Variants in CPT1A observed in about 807,000 individuals in gnomAD.
CPT1A encodes the protein carnitine palmitoyltransferase 1A.
A neutral mutation model predicts 100.8 loss-of-function variants in CPT1A; 64 were observed. That is an observed-to-expected ratio of 0.63 (90% CI 0.52 to 0.78). The LOEUF is 0.78. Among genes scored for constraint, CPT1A ranks in the 30% least tolerant of loss-of-function variants. CPT1A has a pLI of 0.00. For missense variants in CPT1A, 802 were observed against 1,034.1 expected (o/e 0.78, Z 3.08); for synonymous variants, 363 against 396.0 (o/e 0.92, Z 0.99).
intron 3 of CPT1A, among the ~76,000 whole-genome samples, chr11:68,810,160 A>G (rs1856162647): frequency 2.0e-5 from 3 of 151,944 alleles, no homozygotes. Flanking sequence ...CCTGGGTGAC[A>G]GAGTGAGACT....
At chr11:68,767,424 A>G (rs536806854) in intron 14 of CPT1A, among the ~76,000 whole-genome samples, 52 of 152,264 alleles carry the variant, frequency 3.4e-4, no homozygotes, top group Non-Finnish European at 5.1e-4. Context: ...CCCCATCTCT[A>G]CAAAAAACAT....
chr11:68,802,794 G>A (rs980133264), intron 5 of CPT1A, among the ~76,000 whole-genome samples: 15 of 151,320 alleles, frequency 9.9e-5, no homozygotes, highest in Non-Finnish European at 1.9e-4. Context: ...CTACTCAGGA[G>A]GCTGAAGTGG....
chr11:68,825,069 G>C (rs1003167862), intron 1 of CPT1A, among the ~76,000 whole-genome samples: 12 of 152,206 alleles, frequency 7.9e-5, no homozygotes, highest in African/African-American at 2.9e-4. Flanking sequence ...AAAGTGCTGT[G>C]AGCCACTGTG....
intron 10 of CPT1A, 125 bp downstream of exon 10, chr11:68,784,690 A>G: frequency 1.1e-6 from 1 of 939,484 alleles, no homozygotes; most frequent in East Asian, 2.6e-5. Context: ...GACCCCAGAG[A>G]AAAACAGAGC....
At chr11:68,782,747 G>A (rs1855347764) in intron 10 of CPT1A, among the ~76,000 whole-genome samples, 1 of 152,134 alleles carries the variant, frequency 6.6e-6, no homozygotes, top group Non-Finnish European at 1.5e-5. Flanking sequence ...CTTCTCTCTA[G>A]GAGTGCTTGG....
At chr11:68,828,406 C>CCG (rs1220668375) in intron 1 of CPT1A, among the ~76,000 whole-genome samples, 1 of 151,736 alleles carries the variant, frequency 6.6e-6, no homozygotes, top group Non-Finnish European at 1.5e-5. Flanking sequence ...GGTCAGGGCC[C>CCG]CCCACCTCCC....
intron 6 of CPT1A, among the ~76,000 whole-genome samples, chr11:68,797,589 C>T (rs1202073430): frequency 6.6e-6 from 1 of 152,206 alleles, no homozygotes; most frequent in Non-Finnish European, 1.5e-5. Flanking sequence ...AGGAGGGTTA[C>T]TTGAGCCCAG....
At chr11:68,816,284 G>A (rs1856385864) in intron 1 of CPT1A, among the ~76,000 whole-genome samples, 1 of 152,174 alleles carries the variant, frequency 6.6e-6, no homozygotes, top group Non-Finnish European at 1.5e-5. Flanking sequence ...ACTGTTCTAG[G>A]GTTTCGGAGA....
Position 68,780,750 on chromosome 11 carries a change from G to A in CPT1A, c.1353-5C>T, listed in dbSNP as rs770478804. ...GTGAACGACTTGTCAAACCACCTAC[G>A]TGAAACACACATGTGTGGAACTTAA... On this transcript the variant is annotated splice_polypyrimidine_tract_variant and splice_region_variant and intron_variant, in intron 11 of 18. Coordinates refer to ENST00000265641, the MANE Select transcript of CPT1A (RefSeq NM_001876.4). 1.6e-5 allele frequency: 25 copies of A among 1,611,980 alleles called. No individual in the cohort carries two copies. Among genetic ancestry groups the A allele is most frequent in the East Asian group, 2.2e-5 (1 of 44,896 alleles).
intron 10 of CPT1A, among the ~76,000 whole-genome samples, chr11:68,784,120 C>A (rs996118905): frequency 2.6e-5 from 4 of 152,214 alleles, no homozygotes; most frequent in Admixed American, 2.6e-4. Context: ...GCCTTGGTCT[C>A]CTAAAGCAAT....
intron 11 of CPT1A, 57 bp downstream of exon 11, chr11:68,781,714 G>A (rs530204849): frequency 1.3e-5 from 19 of 1,450,984 alleles, no homozygotes; most frequent in Admixed American, 6.7e-5. Context: ...AGGCACACAG[G>A]GTATTTCTTC....
In CPT1A at chr11:68,812,558, C is replaced by G. The variant is rs147389938; in HGVS notation, c.160G>C (p.Val54Leu). Residue 54 changes from valine (V) to leucine (L), a missense_variant, in exon 3 of 19, where the codon GTG becomes CTG. Physicochemically the swap from Val to Leu is conservative, Grantham distance 32 (BLOSUM62 1). Around this residue, in one of 4 missense-constraint regions of CPT1A, gnomAD observed 161 missense variants for 183.7 expected, o/e 0.88. Coordinates refer to ENST00000265641, the MANE Select transcript of CPT1A (RefSeq NM_001876.4). Reference sequence around the variant, plus strand: ...CAACTGGAGGGGCTTGCCGGGTACACGCCAGTGATGATGCCGTTCTAAAGA... The same window carrying G: ...CAACTGGAGGGGCTTGCCGGGTACAGGCCAGTGATGATGCCGTTCTAAAGA... ...IRFKNGIITG[V>L]YPASPSSWLI... 6.2e-7 allele frequency: 1 copy of G among 1,614,158 alleles called. No individual in the cohort carries two copies. The highest frequency in any genetic ancestry group is 1.1e-5 in the South Asian group (1 of 91,082).
chr11:68,790,641 G>A (rs1855589000), intron 9 of CPT1A, among the ~76,000 whole-genome samples: 1 of 152,068 alleles, frequency 6.6e-6, no homozygotes, highest in Admixed American at 6.6e-5. Flanking sequence ...CTCGGACTCT[G>A]GCCTCCAGAG....
At chr11:68,808,053 T>G (rs747880586) in intron 3 of CPT1A, among the ~76,000 whole-genome samples, 2 of 152,252 alleles carry the variant, frequency 1.3e-5, no homozygotes, top group African/African-American at 4.8e-5. Flanking sequence ...GTGAGAGCCA[T>G]GCCCTGCCGA....
At chr11:68,844,033 C>T (rs1566398607), upstream of CPT1A, 1 of 152,360 alleles carries the variant, frequency 6.6e-6, no homozygotes, top group Non-Finnish European at 1.5e-5. Context: ...TCCCAGGGCT[C>T]TTCGGCCTTG....
chr11:68,826,441 C>CAAA (rs1225143166), intron 1 of CPT1A, among the ~76,000 whole-genome samples: 2 of 125,550 alleles, frequency 1.6e-5, no homozygotes, highest in Non-Finnish European at 1.7e-5. Flanking sequence ...GACTCCGTCT[C>CAAA]AAAAAAAAAA....
intron 12 of CPT1A, among the ~76,000 whole-genome samples, chr11:68,775,814 C>G (rs191250785): frequency 1.6e-4 from 25 of 152,316 alleles, no homozygotes; most frequent in African/African-American, 6.0e-4. Flanking sequence ...GACAAGAATT[C>G]TTGCCCTTCC....
chr11:68,799,183 A>ACGTT (rs371123694), intron 6 of CPT1A, 35 bp downstream of exon 6: 64 of 1,588,704 alleles, frequency 4.0e-5, no homozygotes, highest in Non-Finnish European at 5.3e-5. Flanking sequence ...CATACGGAAA[A>ACGTT]ATTTCATCAA....
chr11:68,830,786 AG>A (rs1026049774), intron 1 of CPT1A, among the ~76,000 whole-genome samples: 44 of 152,202 alleles, frequency 2.9e-4, no homozygotes, highest in African/African-American at 1.1e-3. Context: ...CCAGCACTTT[AG>A]GGGGCAGCCC....
Sources: allele counts gnomAD v4.1 joint callset (sites outside exome capture counted in the v4.1 genomes callset), GRCh38; gene constraint gnomAD v4.1.1; regional missense constraint gnomAD v4.1.1; transcripts MANE v1.5; gene names NCBI Gene and HGNC (gene_info 2026-07-23, HGNC 2026-07-21).